The following MDGA2 variants were observed in gnomAD, a reference collection of about 807,000 sequenced individuals.
MDGA2 encodes MAM domain-containing glycosylphosphatidylinositol anchor protein 2.
In MDGA2, 40 loss-of-function variants were observed where a neutral mutation model predicts 117.8. The ratio of observed to expected loss-of-function variants is 0.34; its 90% CI spans 0.26 to 0.44. MDGA2 has a LOEUF of 0.44. MDGA2 is among the 20% of genes least tolerant of loss of function. The probability of loss-of-function intolerance (pLI) is 1.00; values close to 1 mark genes in which losing one functional copy is unlikely to be tolerated. For synonymous variants in MDGA2, 452 were observed against 439.0 expected, an observed-to-expected ratio of 1.03 and a Z score of -0.37; for missense variants, 1,123 against 1,250.6, an observed-to-expected ratio of 0.90 and a Z score of 1.54.
intron 1 of MDGA2, among the ~76,000 whole-genome samples, chr14:47,422,148 C>T (rs1309976686): frequency 6.6e-6 from 1 of 152,114 alleles, no homozygotes; most frequent in African/African-American, 2.4e-5. Flanking sequence ...ATTTTCTACT[C>T]TCTTCCTTGG....
intron 2 of MDGA2, among the ~76,000 whole-genome samples, chr14:47,242,711 T>G (rs1887093897): frequency 6.6e-6 from 1 of 151,816 alleles, no homozygotes; most frequent in Admixed American, 6.6e-5. Context: ...CAGCCCGCCA[T>G]GCCTGAGCCT....
intron 1 of MDGA2, among the ~76,000 whole-genome samples, chr14:47,648,016 A>C (rs1336150488): frequency 2.0e-5 from 3 of 152,178 alleles, no homozygotes; most frequent in African/African-American, 7.2e-5. Context: ...AAACAAATAA[A>C]TGCCTACAAA....
intron 1 of MDGA2, among the ~76,000 whole-genome samples, chr14:47,584,123 G>T (rs952837675): frequency 2.6e-5 from 4 of 151,590 alleles, no homozygotes; most frequent in Admixed American, 6.6e-5. Flanking sequence ...TTTATAAAAC[G>T]CTTTAATTTT....
chr14:46,927,820 A>C (rs976746860), intron 9 of MDGA2, among the ~76,000 whole-genome samples: 9 of 152,142 alleles, frequency 5.9e-5, no homozygotes, highest in Admixed American at 2.0e-4. Context: ...TTCATCCCTT[A>C]CTTGAATTCA....
chr14:46,885,242 A>C (rs940711692), intron 10 of MDGA2, among the ~76,000 whole-genome samples: 1 of 152,140 alleles, frequency 6.6e-6, no homozygotes, highest in Non-Finnish European at 1.5e-5. Context: ...TTAAATATAA[A>C]CTTTCAAGTT....
At chr14:47,544,102 TC>T (rs1895408078) in intron 1 of MDGA2, among the ~76,000 whole-genome samples, 1 of 152,198 alleles carries the variant, frequency 6.6e-6, no homozygotes, top group Non-Finnish European at 1.5e-5. Context: ...AAAGATAATG[TC>T]CACACATTTG....
At chr14:46,965,080 C>A (rs1362598931) in intron 8 of MDGA2, among the ~76,000 whole-genome samples, 1 of 140,968 alleles carries the variant, frequency 7.1e-6, no homozygotes, top group Non-Finnish European at 1.5e-5. Flanking sequence ...CCCGCCACCA[C>A]GCCCGGCTAA....
chr14:47,503,164 A>G (rs1894434548), intron 1 of MDGA2, among the ~76,000 whole-genome samples: 1 of 152,178 alleles, frequency 6.6e-6, no homozygotes, highest in Non-Finnish European at 1.5e-5. Flanking sequence ...AGACCATTTT[A>G]CTTTTTTAAA....
chr14:47,088,095 T>G (rs984419056), intron 6 of MDGA2, among the ~76,000 whole-genome samples: 1 of 152,124 alleles, frequency 6.6e-6, no homozygotes, highest in South Asian at 2.1e-4. Context: ...CTAGACAAAA[T>G]TTTTTATTTG....
At chr14:47,509,229 AG>A (rs1369596187) in intron 1 of MDGA2, among the ~76,000 whole-genome samples, 1 of 152,244 alleles carries the variant, frequency 6.6e-6, no homozygotes, top group African/African-American at 2.4e-5. Flanking sequence ...ATAGAATGCT[AG>A]AAGCACCTTT....
At chr14:47,087,460 CAAAAAAAAAAAA>C (rs749371957) in intron 6 of MDGA2, among the ~76,000 whole-genome samples, 1 of 67,968 alleles carries the variant, frequency 1.5e-5, no homozygotes, top group East Asian at 5.0e-4. Flanking sequence ...GACTCCACAT[CAAAAAAAAAAAA>C]AAAAAAAAAA....
intron 1 of MDGA2, among the ~76,000 whole-genome samples, chr14:47,651,249 TGTA>T (rs1383751665): frequency 2.6e-4 from 34 of 130,848 alleles, no homozygotes; most frequent in Non-Finnish European, 5.0e-4. Context: ...TGTGTGTGTG[TGTA>T]TACCCATAAA....
chr14:47,065,470 T>C (rs1370122713), intron 6 of MDGA2, among the ~76,000 whole-genome samples: 2 of 152,196 alleles, frequency 1.3e-5, no homozygotes, highest in Admixed American at 6.5e-5. Flanking sequence ...ACTCCTGTTA[T>C]GTAAAACTAG....
intron 4 of MDGA2, among the ~76,000 whole-genome samples, chr14:47,133,333 G>C (rs1250114554): frequency 6.6e-6 from 1 of 151,802 alleles, no homozygotes. Flanking sequence ...AAGAACAGTT[G>C]AAAGAAAATG....
intron 1 of MDGA2, among the ~76,000 whole-genome samples, chr14:47,499,811 TA>T (rs1279207357): frequency 1.3e-5 from 2 of 152,158 alleles, no homozygotes; most frequent in Non-Finnish European, 2.9e-5. Context: ...TGAGAATTTA[TA>T]AACAGATTTT....
In MDGA2 at chr14:47,355,892, T is replaced by C. The variant is rs942781413; in HGVS notation, c.281-54342A>G. 2.0e-5 allele frequency among the ~76,000 whole-genome samples: 3 copies of C among 152,294 alleles called. No individual in the cohort carries two copies. In the South Asian group the frequency reaches 6.2e-4, roughly 32 times the overall value. The stretch of plus-strand genomic sequence containing the variant: ...TCTTTTGACAGTTTCTGAATGGGAA[T>C]GCACATTTCATCTGAGTGCATGTGT... On this transcript the variant is annotated intron_variant, in intron 1 of 16. Coordinates refer to ENST00000399232, the MANE Select transcript of MDGA2 (RefSeq NM_001113498.3).
chr14:46,882,158 A>G lies in MDGA2; in HGVS notation c.2302T>C (p.Leu768=), dbSNP rs774275036. 1 of 1,612,698 alleles carries G rather than the reference A, an allele frequency of 6.2e-7. No individual in the cohort carries two copies. The highest frequency in any genetic ancestry group is 1.1e-5 in the South Asian group (1 of 90,994). ...KINGNIQKGE[L]ITYNLTELIK... ...AGCTCTGTCAAGTTATATGTAATTAATTCTCCCTTTTGAATATTCCCATTT... is the reference window on the plus strand; with the variant it reads ...AGCTCTGTCAAGTTATATGTAATTAGTTCTCCCTTTTGAATATTCCCATTT... Residue 768 remains leucine, a synonymous_variant, in exon 11 of 17, where the codon TTA becomes CTA. Coordinates refer to ENST00000399232, the MANE Select transcript of MDGA2 (RefSeq NM_001113498.3).
intron 15 of MDGA2, among the ~76,000 whole-genome samples, chr14:46,852,721 G>A (rs916235661): frequency 2.0e-5 from 3 of 151,796 alleles, no homozygotes; most frequent in East Asian, 1.9e-4. Context: ...TTTGGTAGAC[G>A]ACTCAGAGTA....
chr14:47,334,203 A>G (rs1341242307), intron 1 of MDGA2, among the ~76,000 whole-genome samples: 1 of 151,652 alleles, frequency 6.6e-6, no homozygotes, highest in Admixed American at 6.6e-5. Context: ...AGCAAAAATT[A>G]AAAAAAATAT....
Sources: gnomAD v4.1 joint callset for allele counts (sites outside exome capture counted in the v4.1 genomes callset) on GRCh38, gnomAD v4.1.1 for gene constraint, MANE v1.5 for transcripts, NCBI Gene and HGNC (gene_info 2026-07-23, HGNC 2026-07-21) for gene names.